The following SDK1 variants were observed in gnomAD, a reference collection of about 807,000 sequenced individuals.
The protein encoded by SDK1 is sidekick cell adhesion molecule 1.
Under a neutral mutation model 245.5 loss-of-function variants are expected in SDK1, and 157 were observed. The observed-to-expected ratio is 0.64, with a 90% CI of 0.56 to 0.73. SDK1 has a LOEUF of 0.73. Among genes scored for constraint, SDK1 ranks in the 30% least tolerant of loss-of-function variants. The probability of loss-of-function intolerance (pLI) is 0.00; values close to 1 mark genes in which losing one functional copy is unlikely to be tolerated. For synonymous variants in SDK1, 1,647 were observed against 1,278.5 expected (o/e 1.29, Z -6.15); for missense variants, 3,583 against 3,002.3 (o/e 1.19, Z -4.52).
intron 5 of SDK1, among the ~76,000 whole-genome samples, chr7:3,849,324 C>G (rs1357027257): frequency 6.6e-6 from 1 of 152,162 alleles, no homozygotes; most frequent in Non-Finnish European, 1.5e-5. Flanking sequence ...GCCCTGCCTG[C>G]TGAGGTCTGA....
At chr7:3,743,023 T>C (rs10275232) in intron 4 of SDK1, among the ~76,000 whole-genome samples, 9,924 of 152,230 alleles carry the variant, frequency 0.065, 1,075 homozygotes, top group African/African-American at 0.23. Context: ...GTCCTACTTA[T>C]TGATAGGCAT....
chr7:4,184,254 C>G (rs1782755076), intron 35 of SDK1, among the ~76,000 whole-genome samples: 1 of 152,244 alleles, frequency 6.6e-6, no homozygotes, highest in Non-Finnish European at 1.5e-5. Context: ...TTTATGAAAA[C>G]TAAGACTTTG....
intron 5 of SDK1, among the ~76,000 whole-genome samples, chr7:3,851,300 AAC>A: frequency 6.6e-6 from 1 of 152,354 alleles, no homozygotes; most frequent in East Asian, 1.9e-4. Flanking sequence ...TGGCGTTATT[AAC>A]ATTTTAATGA....
chr7:3,309,587 A>G (rs1164490414), intron 1 of SDK1, among the ~76,000 whole-genome samples: 1 of 136,786 alleles, frequency 7.3e-6, no homozygotes, highest in Non-Finnish European at 1.5e-5. Flanking sequence ...GTTTCCAGGG[A>G]TGCAACTTTG....
rs80342054 is a variant in SDK1, at chr7:3,585,321, C to T, written c.299-33759C>T. Among the ~76,000 whole-genome samples, 1,185 of 152,160 alleles carry T rather than the reference C, an allele frequency of 7.8e-3. 18 individuals carry two copies. The highest frequency in any genetic ancestry group is 0.026 in the African/African-American group (1,069 of 41,496). On this transcript the variant is annotated intron_variant, in intron 1 of 44. Transcript: ENST00000404826. ...CAAGAAATAAAATAAGGAGAGGAAA[C>T]AGGTAGTTGATGAAGTGAATCAGAA...
chr7:4,062,108 T>G (rs1476414466), intron 19 of SDK1, among the ~76,000 whole-genome samples: 1 of 151,900 alleles, frequency 6.6e-6, no homozygotes, highest in African/African-American at 2.4e-5. Flanking sequence ...ATTGTGCACA[T>G]GTACCCTAAA....
intron 1 of SDK1, among the ~76,000 whole-genome samples, chr7:3,528,402 G>A (rs1381109651): frequency 6.6e-6 from 1 of 151,950 alleles, no homozygotes; most frequent in East Asian, 1.9e-4. Flanking sequence ...AGGTGAGCCT[G>A]GAAAGGTAGC....
At chr7:3,634,100 C>G (rs1308491397) in intron 2 of SDK1, among the ~76,000 whole-genome samples, 2 of 152,132 alleles carry the variant, frequency 1.3e-5, no homozygotes, top group East Asian at 3.8e-4. Context: ...TGTCTCAGAG[C>G]TGGTACCTGT....
intron 5 of SDK1, among the ~76,000 whole-genome samples, chr7:3,948,333 C>G (rs1208674508): frequency 6.7e-6 from 1 of 148,660 alleles, no homozygotes; most frequent in African/African-American, 2.5e-5. Context: ...TCTCGGCTCA[C>G]TGCAACCTCC....
intron 19 of SDK1, among the ~76,000 whole-genome samples, chr7:4,060,426 G>A (rs1779465377): frequency 6.6e-6 from 1 of 152,128 alleles, no homozygotes; most frequent in Non-Finnish European, 1.5e-5. Flanking sequence ...TTTTTTGGCT[G>A]CATAAATGTC....
At chr7:3,672,093 T>C (rs939568023) in intron 4 of SDK1, among the ~76,000 whole-genome samples, 2 of 152,070 alleles carry the variant, frequency 1.3e-5, no homozygotes, top group African/African-American at 4.8e-5. Flanking sequence ...CCTGAGGTCT[T>C]GGAGGAGTTT....
chr7:4,170,446 CAAAA>C (rs908907568), intron 32 of SDK1, among the ~76,000 whole-genome samples: 3 of 150,074 alleles, frequency 2.0e-5, no homozygotes, highest in Non-Finnish European at 3.0e-5. Context: ...GATCCTGTCT[CAAAA>C]AAAAAGAACA....
intron 1 of SDK1, among the ~76,000 whole-genome samples, chr7:3,597,186 G>A (rs1219650500): frequency 6.6e-6 from 1 of 151,144 alleles, no homozygotes; most frequent in Non-Finnish European, 1.5e-5. Flanking sequence ...GCAGGAGAAT[G>A]GCGTGAACCC....
At chr7:3,522,686 A>T (rs1234681814) in intron 1 of SDK1, among the ~76,000 whole-genome samples, 1 of 152,088 alleles carries the variant, frequency 6.6e-6, no homozygotes, top group Admixed American at 6.6e-5. Context: ...CTGGGGGGAT[A>T]GTTGACAAAC....
At chr7:3,956,241 A>C (rs1010282120) in intron 7 of SDK1, among the ~76,000 whole-genome samples, 1 of 152,170 alleles carries the variant, frequency 6.6e-6, no homozygotes, top group Non-Finnish European at 1.5e-5. Context: ...TTGAGAGTCT[A>C]TGCACAGGAT....
intron 1 of SDK1, among the ~76,000 whole-genome samples, chr7:3,349,233 G>T (rs561244971): frequency 6.6e-6 from 1 of 152,110 alleles, no homozygotes; most frequent in Admixed American, 6.5e-5. Context: ...ACACACAACA[G>T]CCTATTTAGA....
In SDK1 at chr7:3,448,227, A is replaced by G. The variant is rs1018888410; in HGVS notation, c.298+146343A>G. Reference sequence around the variant, plus strand: ...GCAAATGTGATCGGTGAAAACTGCTATCTCGTTGCTTTAAGTTGCATTTGC... The same window carrying G: ...GCAAATGTGATCGGTGAAAACTGCTGTCTCGTTGCTTTAAGTTGCATTTGC... On this transcript the variant is annotated intron_variant, in intron 1 of 44. Transcript: ENST00000404826. Among the ~76,000 whole-genome samples, 21 of 152,136 alleles carry G rather than the reference A, an allele frequency of 1.4e-4. 1 individual carries two copies. The highest frequency in any genetic ancestry group is 4.6e-4 in the African/African-American group (19 of 41,428).
At chr7:3,882,908 T>C (rs1781242047) in intron 5 of SDK1, among the ~76,000 whole-genome samples, 1 of 152,228 alleles carries the variant, frequency 6.6e-6, no homozygotes, top group South Asian at 2.1e-4. Context: ...CCTAAGAGAT[T>C]GTTCTGGCTT....
chr7:3,301,874 G>A lies in SDK1; in HGVS notation c.288G>A (p.Ala96=), dbSNP rs1315030000. ...CGCTGCAGCTGCACTTGCTCCGGGC[G>A]CTGGCGCAAGGTAGGTGCGCGCGGG... is the stretch of plus-strand genomic sequence containing the variant. ...LLALQLHLLR[A]LAQDDVAPYF... The change falls in exon 1 of 45, where the codon GCG becomes GCA. Residue 96 remains alanine (A), a synonymous_variant. Transcript: ENST00000404826. The A allele has an allele frequency of 5.3e-6, 6 of 1,136,248 alleles. No individual in the cohort carries two copies. The highest frequency in any genetic ancestry group is 6.5e-6 in the Non-Finnish European group (6 of 927,260). The allele number at this position is 1,136,248 out of a possible 1,614,324, so 70.4% of individuals were successfully genotyped here.
Sources: gnomAD v4.1 joint callset for allele counts (sites outside exome capture counted in the v4.1 genomes callset) on GRCh38, gnomAD v4.1.1 for gene constraint, MANE v1.5 for transcripts, NCBI Gene and HGNC (gene_info 2026-07-23, HGNC 2026-07-21) for gene names.